Variants in PWWP2A observed in about 807,000 individuals in gnomAD.
PWWP2A encodes the protein PWWP domain containing 2A.
In PWWP2A, 18 loss-of-function variants were observed where a neutral mutation model predicts 48.5. That is an observed-to-expected ratio of 0.37 (90% CI 0.26 to 0.55). PWWP2A has a LOEUF of 0.55. Ranked by LOEUF, PWWP2A falls within the 20% of genes least tolerant of loss-of-function variation. The pLI is 0.81. For missense variants in PWWP2A, 867 were observed against 976.4 expected, an observed-to-expected ratio of 0.89 and a Z score of 1.49; for synonymous variants, 396 against 387.7, an observed-to-expected ratio of 1.02 and a Z score of -0.25.
rs1000808152 is a variant in PWWP2A at position 160,091,902 on chromosome 5, A to G, written c.*480T>C. ...TATCCACTATTCCCCCAGCTCACCA[A>G]GCCCTTATTGCAATCCCAAATATGC... On this transcript the variant is annotated 3_prime_UTR_variant, in exon 2 of 2. Transcript: ENST00000307063. The G allele has an allele frequency of 4.1e-6, 4 of 984,414 alleles. No individual in the cohort carries two copies. In the African/African-American group the frequency reaches 7.0e-5, roughly 17 times the overall value. 61.0% of individuals were successfully genotyped at this position (984,414 alleles called of 1,614,324 possible).
downstream of PWWP2A, chr5:160,090,596 A>T (rs755690591): frequency 1.0e-6 from 1 of 984,884 alleles, no homozygotes; most frequent in Non-Finnish European, 1.2e-6. Flanking sequence ...TGAGTTCCCC[A>T]TAAGAAATTC....
At chr5:160,097,338 A>C (rs1161149137) in intron 1 of PWWP2A, among the ~76,000 whole-genome samples, 25 of 22,292 alleles carry the variant, frequency 1.1e-3, no homozygotes, top group African/African-American at 2.3e-3. Context: ...CTTTGTCTCA[A>C]AAAAAAAAAA....
chr5:160,109,437 AG>A (rs1376031090), intron 1 of PWWP2A, among the ~76,000 whole-genome samples: 2 of 151,978 alleles, frequency 1.3e-5, no homozygotes, highest in East Asian at 1.9e-4. Flanking sequence ...AAGATTTTTA[AG>A]GATTTCCAGG....
chr5:160,114,696 G>A (rs542751519), intron 1 of PWWP2A, among the ~76,000 whole-genome samples: 51 of 148,818 alleles, frequency 3.4e-4, no homozygotes, highest in Non-Finnish European at 3.9e-4. Flanking sequence ...CCAGGAGGCC[G>A]AGGTTGCAGT....
At chr5:160,101,619 T>C (rs187652827) in intron 1 of PWWP2A, among the ~76,000 whole-genome samples, 12 of 152,060 alleles carry the variant, frequency 7.9e-5, no homozygotes, top group South Asian at 2.1e-4. Context: ...CTTAACACTA[T>C]TGAACTGTAT....
chr5:160,088,377 C>A (rs1199549965), downstream of PWWP2A, among the ~76,000 whole-genome samples: 1 of 152,126 alleles, frequency 6.6e-6, no homozygotes, highest in Non-Finnish European at 1.5e-5. Flanking sequence ...GGATTACAGG[C>A]GTATGCCACC....
At chr5:160,049,661 T>C in the PWWP2A span, 3 of 1,569,264 alleles carry the variant, frequency 1.9e-6, no homozygotes, top group East Asian at 6.8e-5. Context: ...GAAGCTTGTA[T>C]GGTAAAACCT....
intron 1 of PWWP2A, among the ~76,000 whole-genome samples, chr5:160,099,097 A>G (rs923832229): frequency 1.3e-5 from 2 of 152,238 alleles, no homozygotes; most frequent in African/African-American, 4.8e-5. Context: ...CTGGAATCTG[A>G]TATTTTAGCA....
chr5:160,099,716 T>C (rs1756060453), intron 1 of PWWP2A, among the ~76,000 whole-genome samples: 1 of 151,268 alleles, frequency 6.6e-6, no homozygotes, highest in South Asian at 2.1e-4. Context: ...CTCACTCTGC[T>C]GCCCAGGCTA....
At chr5:160,056,040 G>T in the PWWP2A span, among the ~76,000 whole-genome samples, 2 of 152,218 alleles carry the variant, frequency 1.3e-5, no homozygotes, top group African/African-American at 4.8e-5. Flanking sequence ...CTAGGTCCCA[G>T]AACACAAGTA....
intron 1 of PWWP2A, among the ~76,000 whole-genome samples, chr5:160,114,083 G>C (rs1581280887): frequency 6.6e-6 from 1 of 152,222 alleles, no homozygotes; most frequent in Admixed American, 6.5e-5. Flanking sequence ...TTTTTACCTA[G>C]AGGTTGAATT....
At chr5:160,084,993 AAAC>A (rs1174712693) in intron 2 of PWWP2A, among the ~76,000 whole-genome samples, 1 of 152,086 alleles carries the variant, frequency 6.6e-6, no homozygotes, top group African/African-American at 2.4e-5. Context: ...AGAAAAAGAA[AAAC>A]AAGAAGCCCT....
intron 1 of PWWP2A, among the ~76,000 whole-genome samples, chr5:160,098,779 C>T (rs1428661265): frequency 6.6e-6 from 1 of 152,134 alleles, no homozygotes; most frequent in Non-Finnish European, 1.5e-5. Context: ...CCTAGCCTGA[C>T]CAACATGGTG....
At chr5:160,108,602 C>T (rs1243081954) in intron 1 of PWWP2A, 3 of 1,285,068 alleles carry the variant, frequency 2.3e-6, no homozygotes, top group Non-Finnish European at 3.0e-6. Context: ...TTGCACCATA[C>T]GTTTCATGGT....
the PWWP2A span, chr5:160,051,159 G>T: frequency 6.2e-7 from 1 of 1,603,520 alleles, no homozygotes; most frequent in Admixed American, 1.7e-5. Context: ...AGAACGTAAT[G>T]AAAGACTAAA....
chr5:160,093,761 G>A lies in PWWP2A; in HGVS notation c.889C>T (p.Pro297Ser). 2 of 1,613,938 alleles carry A rather than the reference G, an allele frequency of 1.2e-6. No homozygotes were observed. The highest frequency in any genetic ancestry group is 1.7e-6 in the Non-Finnish European group (2 of 1,179,900). ...TCTTCCCTGTACATTTTTCGTTTGGGTCGCTTAATTTTCCGAGGAGGTGGC... is the reference window on the plus strand; with the variant it reads ...TCTTCCCTGTACATTTTTCGTTTGGATCGCTTAATTTTCCGAGGAGGTGGC... ...PQPPPRKIKR[P>S]KRKMYREEPT... is the part of the protein sequence containing the mutation. Residue 297 changes from proline (P) to serine (S), a missense_variant, in exon 2 of 2, where the codon CCC (proline) becomes TCC (serine). By Grantham distance (74) the Pro-to-Ser change is moderately conservative (BLOSUM62 -1). Transcript: ENST00000307063. The surrounding 1 kb of genome is among the most constrained non-coding windows in gnomAD (Gnocchi z 5.8).
At chr5:160,094,509 C>T (rs1249994550) in intron 1 of PWWP2A, among the ~76,000 whole-genome samples, 1 of 152,202 alleles carries the variant, frequency 6.6e-6, no homozygotes, top group African/African-American at 2.4e-5. Flanking sequence ...TCAGCCTTAA[C>T]TATCCAAAAC....
At chr5:160,076,205 C>A (rs1753881117) in exon 4 of PWWP2A, 1 of 152,090 alleles carries the variant, frequency 6.6e-6, no homozygotes, top group African/African-American at 2.4e-5. Flanking sequence ...TATTTATATA[C>A]TTAAAACCTG....
At chr5:160,068,177 T>C (rs1233467279) in intron 2 of PWWP2A, among the ~76,000 whole-genome samples, 2 of 152,060 alleles carry the variant, frequency 1.3e-5, no homozygotes, top group Non-Finnish European at 2.9e-5. Context: ...CAAGCCTCCA[T>C]CTCAAAAAAT....
Sources: allele counts gnomAD v4.1 joint callset (sites outside exome capture counted in the v4.1 genomes callset), GRCh38; gene constraint gnomAD v4.1.1; non-coding constraint Gnocchi (gnomAD v3.1); transcripts MANE v1.5; gene names NCBI Gene and HGNC (gene_info 2026-07-23, HGNC 2026-07-21).